GREB1: variants seen among roughly 807,000 people sequenced by gnomAD.
GREB1 encodes protein GREB1.
A neutral mutation model predicts 200.7 loss-of-function variants in GREB1; 106 were observed. The ratio of observed to expected loss-of-function variants is 0.53; its 90% CI spans 0.45 to 0.62. The LOEUF (loss-of-function observed/expected upper bound fraction) is 0.62. Among genes scored for constraint, GREB1 ranks in the 20% least tolerant of loss-of-function variants. The probability of loss-of-function intolerance (pLI) is 0.00; values close to 1 mark genes in which losing one functional copy is unlikely to be tolerated. For synonymous variants in GREB1, 1,132 were observed against 1,092.4 expected (o/e 1.04, Z -0.72); for missense variants, 2,243 against 2,556.8 (o/e 0.88, Z 2.65).
intron 4 of GREB1, among the ~76,000 whole-genome samples, chr2:11,571,796 C>T (rs1678324916): frequency 2.0e-5 from 3 of 152,106 alleles, no homozygotes; most frequent in Non-Finnish European, 1.5e-5. Flanking sequence ...CTGCAAGCTC[C>T]ACCTCCTGGG....
chr2:11,579,752 T>C (rs912684277), intron 6 of GREB1, among the ~76,000 whole-genome samples: 3 of 152,236 alleles, frequency 2.0e-5, no homozygotes, highest in Non-Finnish European at 4.4e-5. Flanking sequence ...CTGGCTGACA[T>C]GAGCAACTTA....
At position 11,627,117 on chromosome 2, in the gene GREB1, A is replaced by C; in HGVS notation, c.4449+13A>C. 1 of 1,569,070 alleles carries C rather than the reference A, an allele frequency of 6.4e-7. No homozygotes were observed. The highest frequency in any genetic ancestry group is 8.6e-7 in the Non-Finnish European group (1 of 1,157,332). Reference sequence around the variant, plus strand: ...CCCCCGCTACCAGGTAGGCCCCAGCAGTTCCCCACCAGGCATTTCACCTTG... The same window carrying C: ...CCCCCGCTACCAGGTAGGCCCCAGCCGTTCCCCACCAGGCATTTCACCTTG... On this transcript the variant is annotated intron_variant, in intron 25 of 32. Coordinates refer to ENST00000381486, the MANE Select transcript of GREB1 (RefSeq NM_014668.4).
At chr2:11,549,246 T>C (rs189406281) in intron 1 of GREB1, among the ~76,000 whole-genome samples, 196 of 152,252 alleles carry the variant, frequency 1.3e-3, no homozygotes, top group African/African-American at 3.7e-3. Context: ...TGTCTTTTTT[T>C]CCCCCATGAA....
At position 11,558,447 on chromosome 2, in the gene GREB1, G is replaced by A. The variant is rs115142511; in HGVS notation, c.157+1676G>A. Among the ~76,000 whole-genome samples the A allele has an allele frequency of 8.8e-3, 1,334 of 152,280 alleles. 12 individuals are homozygous for A. Among genetic ancestry groups the A allele is most frequent in the African/African-American group, 0.03 (1,233 of 41,566 alleles). On this transcript the variant is annotated intron_variant, in intron 2 of 32. Transcript: ENST00000381486. ...CTGAGGCTTAAGCCTTCATTCCTCC[G>A]GTGCTGCGGTTGAAGGTTCCCTGCC...
At chr2:11,495,045 G>T (rs1214254578) in intron 1 of GREB1, among the ~76,000 whole-genome samples, 2 of 152,178 alleles carry the variant, frequency 1.3e-5, no homozygotes, top group African/African-American at 4.8e-5. Context: ...TGGGAGGAGG[G>T]TCTCCCCCGC....
intron 7 of GREB1, among the ~76,000 whole-genome samples, chr2:11,581,821 G>A (rs116475280): frequency 6.6e-6 from 1 of 152,206 alleles, no homozygotes; most frequent in African/African-American, 2.4e-5. Flanking sequence ...AGGTCTCCAT[G>A]CTCCCACTCC....
intron 30 of GREB1, among the ~76,000 whole-genome samples, chr2:11,635,754 C>T (rs1467099074): frequency 6.6e-6 from 1 of 152,224 alleles, no homozygotes; most frequent in African/African-American, 2.4e-5. Flanking sequence ...ATTTGAATGG[C>T]TCTGCAGGCT....
At chr2:11,563,878 G>A (rs1392372113) in intron 3 of GREB1, among the ~76,000 whole-genome samples, 3 of 152,208 alleles carry the variant, frequency 2.0e-5, no homozygotes, top group Non-Finnish European at 4.4e-5. Context: ...TTTGATGGGA[G>A]CTATACAGGA....
At chr2:11,587,694 A>AACACACACACAC (rs377181735) in intron 9 of GREB1, 44 of 707,144 alleles carry the variant, frequency 6.2e-5, no homozygotes, top group Admixed American at 1.5e-4. Flanking sequence ...AGTACAAGAT[A>AACACACACACAC]ACACACACAC....
chr2:11,594,602 A>G (rs890513900), intron 11 of GREB1, among the ~76,000 whole-genome samples: 2 of 149,580 alleles, frequency 1.3e-5, no homozygotes, highest in African/African-American at 4.9e-5. Flanking sequence ...TGATCCACCT[A>G]CCTCAGCCTC....
upstream of GREB1, among the ~76,000 whole-genome samples, chr2:11,531,303 A>C (rs1674065298): frequency 6.6e-6 from 1 of 152,184 alleles, no homozygotes; most frequent in Admixed American, 6.5e-5. Context: ...ATAGAGGTTA[A>C]GTGACTTGCC....
chr2:11,543,080 G>A (rs1184978391), intron 1 of GREB1, among the ~76,000 whole-genome samples: 1 of 152,124 alleles, frequency 6.6e-6, no homozygotes, highest in Non-Finnish European at 1.5e-5. Flanking sequence ...GACCTGCAGT[G>A]TTCCGGGCAC....
chr2:11,597,149 G>A lies in GREB1; in HGVS notation c.1955-632G>A, dbSNP rs561544697. Among the ~76,000 whole-genome samples the A allele has an allele frequency of 3.9e-5, 6 of 152,182 alleles. No homozygotes were observed. The South Asian group carries it at 6.2e-4, about 16-fold the overall frequency. ...ATGAGAGGGCACTGGCGAGGGCCTC[G>A]GTCTGGCCTGGGAGGCAGCATCCAA... On this transcript the variant is annotated intron_variant, in intron 13 of 32. Transcript: ENST00000381486. The surrounding 1 kb of genome is among the most constrained non-coding windows in gnomAD (Gnocchi z 4.1).
intron 1 of GREB1, among the ~76,000 whole-genome samples, chr2:11,542,211 C>A (rs1408020534): frequency 6.6e-6 from 1 of 152,154 alleles, no homozygotes. Flanking sequence ...AGGCAAAATC[C>A]TGATTCTGGA....
intron 14 of GREB1, 134 bp from the exon 15 acceptor site, chr2:11,598,546 T>A: frequency 1.2e-6 from 1 of 810,882 alleles, no homozygotes; most frequent in Non-Finnish European, 2.0e-6. Flanking sequence ...TTTTTTCCCT[T>A]CCTTTCCCTG....
At chr2:11,515,944 C>G (rs1026428402) in intron 1 of GREB1, among the ~76,000 whole-genome samples, 2 of 152,170 alleles carry the variant, frequency 1.3e-5, no homozygotes, top group Admixed American at 1.3e-4. Flanking sequence ...GACAGCACTT[C>G]GGGCATGCCG....
rs1672810098 is a variant in GREB1, at chr2:11,493,308, G to T, written c.-159+10927G>T. 2.6e-5 allele frequency among the ~76,000 whole-genome samples: 4 copies of T among 152,098 alleles called. No homozygotes were observed. ...TGGAAGACAATTTTTCCACAGACAGGGTGTGGGGGAGGGTGAAACTATTCC... is the reference window on the plus strand; with the variant it reads ...TGGAAGACAATTTTTCCACAGACAGTGTGTGGGGGAGGGTGAAACTATTCC... On this transcript the variant is annotated intron_variant, in intron 1 of 2. Transcript: ENST00000628795. This position sits in a 1 kb window ranked among gnomAD's most constrained non-coding sequence, Gnocchi z 4.6.
chr2:11,509,654 G>C (rs1673296499), intron 1 of GREB1, among the ~76,000 whole-genome samples: 1 of 152,150 alleles, frequency 6.6e-6, no homozygotes, highest in South Asian at 2.1e-4. Flanking sequence ...CCTTTAGGAG[G>C]GGGTTAGATC....
At chr2:11,565,371 A>G (rs919705128) in intron 3 of GREB1, among the ~76,000 whole-genome samples, 8 of 152,132 alleles carry the variant, frequency 5.3e-5, no homozygotes, top group African/African-American at 1.7e-4. Context: ...CACATGGGAA[A>G]CCACAGAGCA....
Sources: gnomAD v4.1 joint callset for allele counts (sites outside exome capture counted in the v4.1 genomes callset) on GRCh38, gnomAD v4.1.1 for gene constraint, Gnocchi (gnomAD v3.1) non-coding constraint, MANE v1.5 for transcripts, NCBI Gene and HGNC (gene_info 2026-07-23, HGNC 2026-07-21) for gene names.